Variants in DIP2B observed in about 807,000 individuals in gnomAD.
DIP2B encodes the protein disco-interacting protein 2 homolog B.
A neutral mutation model predicts 198.0 loss-of-function variants in DIP2B; 76 were observed. That is an observed-to-expected ratio of 0.38 (90% confidence interval 0.32 to 0.46). DIP2B has a LOEUF of 0.46. DIP2B is among the 20% of genes least tolerant of loss of function. The pLI, the probability that DIP2B is intolerant of heterozygous loss-of-function variation, is 0.99. For missense variants in DIP2B, 1,559 were observed against 1,978.4 expected, an observed-to-expected ratio of 0.79 and a Z score of 4.02; for synonymous variants, 701 against 739.1, an observed-to-expected ratio of 0.95 and a Z score of 0.84.
intron 12 of DIP2B, among the ~76,000 whole-genome samples, chr12:50,689,874 CAAAG>C (rs921502222): frequency 7.2e-5 from 11 of 151,942 alleles, no homozygotes; most frequent in Admixed American, 6.6e-4. Flanking sequence ...ATCAAAAAAG[CAAAG>C]GAAGGAGAAA....
chr12:50,506,343 T>G (rs1239158272), intron 1 of DIP2B, among the ~76,000 whole-genome samples: 1 of 152,206 alleles, frequency 6.6e-6, no homozygotes, highest in Non-Finnish European at 1.5e-5. Flanking sequence ...AAGAAGAATG[T>G]GACCAACTCC....
intron 1 of DIP2B, among the ~76,000 whole-genome samples, chr12:50,542,681 A>G (rs989218773): frequency 6.6e-6 from 1 of 152,200 alleles, no homozygotes; most frequent in Non-Finnish European, 1.5e-5. Context: ...AGTATGTCAT[A>G]TGTGTGTTCA....
intron 1 of DIP2B, among the ~76,000 whole-genome samples, chr12:50,574,653 G>A (rs940741327): frequency 6.6e-6 from 1 of 152,248 alleles, no homozygotes; most frequent in Non-Finnish European, 1.5e-5. Flanking sequence ...TGCTAAAGAT[G>A]TTACAACTGG....
rs781428834 is a variant in DIP2B, at chr12:50,728,661, G to A, written c.3624G>A (p.Ala1208=). The A allele has an allele frequency of 3.7e-6, 6 of 1,613,798 alleles. No individual in the cohort carries two copies. The highest frequency in any genetic ancestry group is 5.1e-6 in the Non-Finnish European group (6 of 1,179,960). ...ACCCTTACTGTGGACTTGGCTTCGC[G>A]CTCTGGTGTCTCTGCAGGTAGGGAT... ...CLDPYCGLGF[A]LWCLCSVYSG... Residue 1208 remains alanine (A), a synonymous_variant, in exon 30 of 38, where the codon GCG becomes GCA. Transcript: ENST00000301180.
In DIP2B at chr12:50,733,082, T is replaced by G. The variant is rs898116148; in HGVS notation, c.3981+546T>G. 4.6e-5 allele frequency among the ~76,000 whole-genome samples: 7 copies of G among 151,720 alleles called. 1 individual carries two copies. The highest frequency in any genetic ancestry group is 4.6e-4 in the Admixed American group (7 of 15,246). The stretch of plus-strand genomic sequence containing the variant: ...CACCACGCCCGGCTATTTTTTGTAT[T>G]TTTAGTAGAGACAGGGTTTCGCCCT... On this transcript the variant is annotated intron_variant, in intron 32 of 37. Transcript: ENST00000301180.
intron 2 of DIP2B, among the ~76,000 whole-genome samples, chr12:50,638,084 G>A (rs1224903702): frequency 1.3e-5 from 2 of 152,156 alleles, no homozygotes. Context: ...ACCTCTAGTG[G>A]ATATTCTGCA....
chr12:50,580,704 G>A (rs1958717883), intron 1 of DIP2B, among the ~76,000 whole-genome samples: 1 of 148,184 alleles, frequency 6.7e-6, no homozygotes, highest in South Asian at 2.2e-4. Context: ...GGTACATTTG[G>A]CAAGGTCTAG....
At chr12:50,528,489 G>A (rs1367057678) in intron 1 of DIP2B, among the ~76,000 whole-genome samples, 1 of 151,428 alleles carries the variant, frequency 6.6e-6, no homozygotes, top group African/African-American at 2.4e-5. Context: ...CACACAGGAA[G>A]CAGTATAAGT....
chr12:50,695,731 A>G (rs568057158), intron 15 of DIP2B, 117 bp from the exon 16 acceptor site: 2 of 1,422,582 alleles, frequency 1.4e-6, no homozygotes, highest in South Asian at 1.3e-5. Flanking sequence ...AACCGTTTTT[A>G]TCTTCTCCAA....
At chr12:50,741,337 C>T in intron 36 of DIP2B, 79 bp from the exon 37 acceptor site, 3 of 1,534,488 alleles carry the variant, frequency 2.0e-6, no homozygotes, top group Non-Finnish European at 2.6e-6. Context: ...GGCAGTCTGA[C>T]CCCTGTGCTG....
intron 1 of DIP2B, among the ~76,000 whole-genome samples, chr12:50,561,639 G>A (rs552008488): frequency 2.6e-5 from 4 of 152,224 alleles, no homozygotes; most frequent in East Asian, 3.9e-4. Context: ...AGACAGAGTC[G>A]CTTTGTTGCC....
intron 1 of DIP2B, among the ~76,000 whole-genome samples, chr12:50,604,418 C>T (rs1958964928): frequency 6.6e-6 from 1 of 152,060 alleles, no homozygotes; most frequent in Non-Finnish European, 1.5e-5. Context: ...TTTTTTGTGG[C>T]TGACCTTTAC....
At chr12:50,532,374 G>A (rs1484158142) in intron 1 of DIP2B, among the ~76,000 whole-genome samples, 1 of 152,146 alleles carries the variant, frequency 6.6e-6, no homozygotes, top group African/African-American at 2.4e-5. Flanking sequence ...AATTAGCCAG[G>A]TGTGGTGGCA....
intron 1 of DIP2B, among the ~76,000 whole-genome samples, chr12:50,563,333 C>A (rs969758157): frequency 6.6e-6 from 1 of 152,072 alleles, no homozygotes; most frequent in Non-Finnish European, 1.5e-5. Flanking sequence ...TCTATAGGTG[C>A]ATGCCACCAG....
At position 50,739,581 on chromosome 12, in the gene DIP2B, C is replaced by T; in HGVS notation, c.4349C>T (p.Thr1450Ile). 1 of 1,613,310 alleles carries T rather than the reference C, an allele frequency of 6.2e-7. No individual in the cohort carries two copies. Among genetic ancestry groups the T allele is most frequent in the Non-Finnish European group, 8.5e-7 (1 of 1,179,314 alleles). Residue 1450 changes from threonine (T) to isoleucine (I), a missense_variant, in exon 36 of 38, where the codon ACT becomes ATT. By Grantham distance (89) the Thr-to-Ile change is moderately conservative. Coordinates refer to ENST00000301180, the MANE Select transcript of DIP2B (RefSeq NM_173602.3). ...FVRRTELTAA[T>I]GERHDALYVV... is the part of the protein sequence containing the mutation. ...CGCCGGACCGAGCTCACAGCGGCCA[C>T]TGGAGGTACTTCTGCAACAACTCCC...
At chr12:50,623,524 C>A (rs962845363) in intron 1 of DIP2B, among the ~76,000 whole-genome samples, 11 of 142,342 alleles carry the variant, frequency 7.7e-5, no homozygotes, top group African/African-American at 2.8e-4. Flanking sequence ...CACACACACA[C>A]ACACGCACAC....
intron 1 of DIP2B, among the ~76,000 whole-genome samples, chr12:50,601,813 A>G (rs1001800394): frequency 2.0e-5 from 3 of 151,778 alleles, no homozygotes; most frequent in Admixed American, 2.0e-4. Flanking sequence ...TTTTTATTTT[A>G]GCTGTTAAAT....
intron 14 of DIP2B, among the ~76,000 whole-genome samples, chr12:50,693,326 T>G (rs1939252376): frequency 6.6e-6 from 1 of 152,148 alleles, no homozygotes; most frequent in Non-Finnish European, 1.5e-5. Flanking sequence ...CAAGGCAGTT[T>G]TTGTGGAAGA....
intron 1 of DIP2B, among the ~76,000 whole-genome samples, chr12:50,525,522 T>A (rs1036875396): frequency 6.6e-6 from 1 of 150,892 alleles, no homozygotes; most frequent in Non-Finnish European, 1.5e-5. Flanking sequence ...CCTTTTTTTT[T>A]TTTTTTTTGA....
Sources: gnomAD v4.1 joint callset for allele counts (sites outside exome capture counted in the v4.1 genomes callset) on GRCh38, gnomAD v4.1.1 for gene constraint, MANE v1.5 for transcripts, NCBI Gene and HGNC (gene_info 2026-07-23, HGNC 2026-07-21) for gene names.